Variants in PCDH15 observed in about 807,000 individuals in gnomAD.
PCDH15 encodes protocadherin related 15, also known as protocadherin-15.
PCDH15 carries 129 observed loss-of-function variants against 178.5 expected under a neutral mutation model. The observed-to-expected ratio is 0.72, with a 90% CI of 0.63 to 0.84. The LOEUF is 0.84. Ranked by LOEUF, PCDH15 falls within the 40% of genes least tolerant of loss-of-function variation. The probability of loss-of-function intolerance (pLI) is 0.00; values close to 1 mark genes in which losing one functional copy is unlikely to be tolerated. For synonymous variants in PCDH15, 800 were observed against 732.0 expected (o/e 1.09, Z -1.50); for missense variants, 2,230 against 2,099.9 (o/e 1.06, Z -1.21).
chr10:55,415,678 T>C (rs1477341503), intron 2 of PCDH15, among the ~76,000 whole-genome samples: 1 of 151,632 alleles, frequency 6.6e-6, no homozygotes, highest in Non-Finnish European at 1.5e-5. Context: ...TGAAGCATAA[T>C]GTTGGAGCTG....
intron 2 of PCDH15, among the ~76,000 whole-genome samples, chr10:54,903,190 A>T (rs956341640): frequency 1.3e-5 from 2 of 152,200 alleles, no homozygotes. Flanking sequence ...AGGGATACCA[A>T]GCCAATAACA....
intron 1 of PCDH15, among the ~76,000 whole-genome samples, chr10:55,194,333 T>C (rs1269929679): frequency 6.6e-6 from 1 of 152,104 alleles, no homozygotes; most frequent in East Asian, 1.9e-4. Context: ...AACTATTGTC[T>C]ATGTGTCTCT....
At chr10:54,901,968 T>C (rs184388762) in intron 2 of PCDH15, among the ~76,000 whole-genome samples, 4 of 141,802 alleles carry the variant, frequency 2.8e-5, no homozygotes, top group Non-Finnish European at 6.0e-5. Flanking sequence ...ATTAAGCAAA[T>C]TTACCAAATA....
intron 3 of PCDH15, among the ~76,000 whole-genome samples, chr10:54,880,716 A>T (rs1393469201): frequency 1.3e-5 from 2 of 150,732 alleles, no homozygotes; most frequent in Non-Finnish European, 3.0e-5. Context: ...TGATGGACCT[A>T]AATCAAAAGA....
chr10:54,940,231 T>C (rs567199744), intron 2 of PCDH15, among the ~76,000 whole-genome samples: 4 of 152,270 alleles, frequency 2.6e-5, no homozygotes, highest in South Asian at 2.1e-4. Context: ...TTTATTATAT[T>C]GTGTTTCCAT....
intron 3 of PCDH15, among the ~76,000 whole-genome samples, chr10:54,496,678 C>A (rs944745099): frequency 6.6e-6 from 1 of 152,130 alleles, no homozygotes; most frequent in Non-Finnish European, 1.5e-5. Flanking sequence ...ATACTAAGCT[C>A]AACTCTGAAC....
upstream of PCDH15, among the ~76,000 whole-genome samples, chr10:54,802,604 TTAA>T (rs1952699224): frequency 6.6e-6 from 1 of 152,194 alleles, no homozygotes; most frequent in South Asian, 2.1e-4. Context: ...AATTGATGTG[TTAA>T]TAAAGATAAC....
chr10:55,262,119 AG>A, intron 1 of PCDH15, among the ~76,000 whole-genome samples: 1 of 140,988 alleles, frequency 7.1e-6, no homozygotes, highest in African/African-American at 2.6e-5. Flanking sequence ...GAAATAAAAA[AG>A]AAAAGAAAAG....
At chr10:55,260,918 C>G (rs1176282827) in intron 1 of PCDH15, among the ~76,000 whole-genome samples, 3 of 152,062 alleles carry the variant, frequency 2.0e-5, no homozygotes, top group Non-Finnish European at 4.4e-5. Flanking sequence ...TGTACCTGAT[C>G]TGTGAACTGT....
rs2078683859 is a variant in PCDH15 at position 53,855,816 on chromosome 10, C to A, written c.3806+1359G>T. ...ACAACGGGTTGATAGGTGCAGCAAA[C>A]CACCATGGCACATGTATACCTATGT... On this transcript the variant is annotated intron_variant, in intron 28 of 37. Transcript: ENST00000644397. Among the ~76,000 whole-genome samples, 3 of 150,088 alleles carry A rather than the reference C, an allele frequency of 2.0e-5. No homozygotes were observed. In the South Asian group the frequency reaches 6.3e-4, roughly 31 times the overall value.
At chr10:54,369,319 A>G (rs756736002) in intron 4 of PCDH15, 44 bp from the exon 5 acceptor site, 6 of 1,574,368 alleles carry the variant, frequency 3.8e-6, no homozygotes, top group Non-Finnish European at 5.2e-6. Flanking sequence ...AATTAAAAAC[A>G]AAGCTTCTCA....
intron 3 of PCDH15, among the ~76,000 whole-genome samples, chr10:54,855,796 G>A (rs1953730759): frequency 1.3e-5 from 2 of 152,142 alleles, no homozygotes; most frequent in Admixed American, 6.5e-5. Context: ...CTTTCCCTGT[G>A]TTCACTGAGT....
At chr10:54,415,713 G>A (rs1005093263) in intron 3 of PCDH15, among the ~76,000 whole-genome samples, 1 of 152,034 alleles carries the variant, frequency 6.6e-6, no homozygotes, top group African/African-American at 2.4e-5. Flanking sequence ...TGATATAAAG[G>A]TAAATTTAGT....
At chr10:54,771,585 T>C in intron 1 of PCDH15, among the ~76,000 whole-genome samples, 1 of 152,066 alleles carries the variant, frequency 6.6e-6, no homozygotes. Flanking sequence ...TCAGACGTCA[T>C]GAAAAATTTT....
intron 3 of PCDH15, among the ~76,000 whole-genome samples, chr10:54,462,075 C>T (rs2077197829): frequency 6.6e-6 from 1 of 151,972 alleles, no homozygotes; most frequent in Admixed American, 6.6e-5. Flanking sequence ...ATAATCTTCA[C>T]TGGTTATCCT....
At chr10:53,834,772 A>G (rs2077210006) in intron 29 of PCDH15, among the ~76,000 whole-genome samples, 1 of 152,186 alleles carries the variant, frequency 6.6e-6, no homozygotes, top group East Asian at 1.9e-4. Context: ...GTTATTCAGC[A>G]TATAATTAAT....
At chr10:55,584,928 A>G (rs980893455) in intron 2 of PCDH15, among the ~76,000 whole-genome samples, 4 of 151,388 alleles carry the variant, frequency 2.6e-5, no homozygotes, top group Admixed American at 1.3e-4. Flanking sequence ...TGAGTAATAT[A>G]TAGTTTTTTT....
At chr10:54,523,225 A>G (rs1050947798) in intron 3 of PCDH15, among the ~76,000 whole-genome samples, 2 of 152,216 alleles carry the variant, frequency 1.3e-5, no homozygotes, top group South Asian at 2.1e-4. Context: ...CTTGACATCA[A>G]TGGCAAGTTG....
At chr10:54,144,709 C>T (rs554793035) in intron 14 of PCDH15, among the ~76,000 whole-genome samples, 295 of 152,112 alleles carry the variant, frequency 1.9e-3, no homozygotes, top group South Asian at 4.2e-3. Context: ...GGACCTAGAC[C>T]GAAACCTTGG....
Sources: allele counts gnomAD v4.1 joint callset (sites outside exome capture counted in the v4.1 genomes callset), GRCh38; gene constraint gnomAD v4.1.1; transcripts MANE v1.5; gene names NCBI Gene and HGNC (gene_info 2026-07-23, HGNC 2026-07-21).